PIAS2: variants seen among roughly 807,000 people sequenced by gnomAD.
PIAS2 encodes E3 SUMO-protein ligase PIAS2.
A neutral mutation model predicts 69.7 loss-of-function variants in PIAS2; 19 were observed. The ratio of observed to expected loss-of-function variants is 0.27; its 90% CI spans 0.19 to 0.40. The LOEUF is 0.40. Ranked by LOEUF, PIAS2 falls within the 10% of genes least tolerant of loss-of-function variation. PIAS2 has a pLI of 1.00. For synonymous variants in PIAS2, 261 were observed against 263.2 expected (o/e 0.99, Z 0.08); for missense variants, 624 against 757.0 (o/e 0.82, Z 2.06).
chr18:46,839,644 C>T (rs1202040325), intron 8 of PIAS2, among the ~76,000 whole-genome samples: 3 of 152,034 alleles, frequency 2.0e-5, no homozygotes, highest in Non-Finnish European at 4.4e-5. Context: ...GAGGGTGGAT[C>T]ACCTGAGGTC....
chr18:46,901,146 G>A (rs764540011), intron 1 of PIAS2: 14 of 330,702 alleles, frequency 4.2e-5, no homozygotes, highest in East Asian at 1.1e-4. Flanking sequence ...GGCTGGGTGC[G>A]GTGGCTCACA....
At chr18:46,905,704 A>C (rs915894883) in intron 1 of PIAS2, 1 of 152,196 alleles carries the variant, frequency 6.6e-6, no homozygotes, top group African/African-American at 2.4e-5. Flanking sequence ...GGATGAAATG[A>C]ACAACTTTCT....
intron 5 of PIAS2, among the ~76,000 whole-genome samples, chr18:46,849,557 A>T (rs1299900862): frequency 6.6e-6 from 1 of 151,884 alleles, no homozygotes; most frequent in African/African-American, 2.4e-5. Flanking sequence ...TTGTGGTAGT[A>T]CTGTGACACA....
chr18:46,819,509 A>G (rs1431994777), intron 12 of PIAS2, among the ~76,000 whole-genome samples: 1 of 152,130 alleles, frequency 6.6e-6, no homozygotes, highest in Non-Finnish European at 1.5e-5. Flanking sequence ...TTTCCACTAA[A>G]TTTTATTCAC....
chr18:46,882,995 G>A (rs868819175), intron 2 of PIAS2, among the ~76,000 whole-genome samples: 3 of 151,402 alleles, frequency 2.0e-5, no homozygotes, highest in Non-Finnish European at 2.9e-5. Flanking sequence ...GGGAGGCTGC[G>A]GCAGGAAAAA....
intron 13 of PIAS2, 23 bp downstream of exon 13, chr18:46,815,288 GT>G (rs1489526635): frequency 1.2e-6 from 2 of 1,600,074 alleles, no homozygotes; most frequent in South Asian, 1.1e-5. Context: ...ATACAAATTA[GT>G]TGCTTAAATT....
chr18:46,920,055 T>C (rs1028379768), upstream of PIAS2: 1 of 1,289,514 alleles, frequency 7.8e-7, no homozygotes, highest in African/African-American at 1.5e-5. Flanking sequence ...CCACTGAAAC[T>C]TACGTGCAGT....
chr18:46,815,619 A>G (rs951267516), intron 12 of PIAS2: 15 of 1,100,200 alleles, frequency 1.4e-5, no homozygotes, highest in Non-Finnish European at 1.7e-5. Context: ...GTCAAAACAA[A>G]TATTTCCCCC....
chr18:46,881,461 G>T (rs1413176376), intron 2 of PIAS2, among the ~76,000 whole-genome samples: 2 of 152,164 alleles, frequency 1.3e-5, no homozygotes, highest in Non-Finnish European at 2.9e-5. Context: ...AGATGCAATT[G>T]TATTTTATTC....
intron 3 of PIAS2, among the ~76,000 whole-genome samples, chr18:46,856,287 A>C (rs1355189324): frequency 2.6e-5 from 4 of 151,788 alleles, no homozygotes; most frequent in Non-Finnish European, 4.4e-5. Context: ...GGCATGAGAC[A>C]CTGCACCTGG....
chr18:46,877,765 G>C (rs1160355670), intron 2 of PIAS2, among the ~76,000 whole-genome samples: 1 of 152,118 alleles, frequency 6.6e-6, no homozygotes. Context: ...CTCTCGCAGT[G>C]GCCAAAAGTG....
At chr18:46,916,729 G>T in intron 1 of PIAS2, 1 of 763,046 alleles carries the variant, frequency 1.3e-6, no homozygotes. Context: ...AAATATCGAG[G>T]TTTAAGGCCG....
chr18:46,830,916 C>T (rs1180615642), intron 9 of PIAS2, among the ~76,000 whole-genome samples: 1 of 152,142 alleles, frequency 6.6e-6, no homozygotes, highest in African/African-American at 2.4e-5. Flanking sequence ...AACATTCCCC[C>T]ATGAACTCTG....
intron 1 of PIAS2, among the ~76,000 whole-genome samples, chr18:46,909,343 T>A (rs981504731): frequency 2.0e-5 from 3 of 152,156 alleles, no homozygotes; most frequent in African/African-American, 7.2e-5. Flanking sequence ...ACTTCCTAGC[T>A]TCAGGTGATC....
chr18:46,913,681 C>A (rs1412674230), intron 1 of PIAS2, among the ~76,000 whole-genome samples: 2 of 152,042 alleles, frequency 1.3e-5, no homozygotes, highest in Non-Finnish European at 2.9e-5. Context: ...ATGACTGCCA[C>A]CAGCAGACCA....
chr18:46,884,229 T>C (rs1218282781), intron 2 of PIAS2, among the ~76,000 whole-genome samples: 2 of 152,208 alleles, frequency 1.3e-5, no homozygotes, highest in African/African-American at 4.8e-5. Context: ...TAACATGTTT[T>C]ATATACATAT....
intron 2 of PIAS2, among the ~76,000 whole-genome samples, chr18:46,880,721 G>C (rs998921591): frequency 1.3e-5 from 2 of 152,230 alleles, no homozygotes; most frequent in African/African-American, 4.8e-5. Flanking sequence ...TTCTCATACA[G>C]TTGTAACAGA....
At chr18:46,857,179 T>C (rs1045170346) in intron 3 of PIAS2, among the ~76,000 whole-genome samples, 3 of 152,182 alleles carry the variant, frequency 2.0e-5, no homozygotes, top group Non-Finnish European at 2.9e-5. Flanking sequence ...AACATCCCCA[T>C]ATCCTTGACA....
rs147137573 is a variant in PIAS2, at chr18:46,889,066, A to G, written c.499+1514T>C. Among the ~76,000 whole-genome samples the G allele has an allele frequency of 7.9e-5, 12 of 152,318 alleles. No individual in the cohort carries two copies. The East Asian group carries it at 2.3e-3, about 29-fold the overall frequency. On this transcript the variant is annotated intron_variant, in intron 2 of 13. Coordinates refer to ENST00000585916, the MANE Select transcript of PIAS2 (RefSeq NM_004671.5). ...GAACAAAGCTGGACACTCACCTAAT[A>G]CCATATACGAAAATTAACTCAAAAG...
Sources: gnomAD v4.1 joint callset for allele counts (sites outside exome capture counted in the v4.1 genomes callset) on GRCh38, gnomAD v4.1.1 for gene constraint, MANE v1.5 for transcripts, NCBI Gene and HGNC (gene_info 2026-07-23, HGNC 2026-07-21) for gene names.